TMEM185A: variants seen among roughly 807,000 people sequenced by gnomAD.
TMEM185A encodes transmembrane protein 185A.
A neutral mutation model predicts 25.0 loss-of-function variants in TMEM185A; 9 were observed. The observed-to-expected ratio is 0.36, with a 90% confidence interval of 0.22 to 0.63. TMEM185A has a LOEUF of 0.63. Ranked by LOEUF, TMEM185A falls within the 20% of genes least tolerant of loss-of-function variation. TMEM185A has a pLI of 0.68. For missense variants in TMEM185A, 103 were observed against 237.4 expected, an observed-to-expected ratio of 0.43 and a Z score of 3.72; for synonymous variants, 45 against 93.5, an observed-to-expected ratio of 0.48 and a Z score of 2.99.
At position 149,631,662 on chromosome X, in the gene TMEM185A, GGCGCCA is replaced by G; in HGVS notation, c.-88_-83del. On this transcript the variant is annotated 5_prime_UTR_variant, in exon 1 of 7. Transcript: ENST00000600449. ...AGCCTGCGCCTTACAGCGGGTTCAT[GGCGCCA>G]GCGCCAGCCGCGTCCACGCTGCTGC... 1 of 976,909 alleles carries G rather than the reference GGCGCCA, an allele frequency of 1.0e-6. No individual in the cohort carries two copies. The highest frequency in any genetic ancestry group is 1.4e-6 in the Non-Finnish European group (1 of 731,830). 80.5% of individuals were successfully genotyped at this position (976,909 alleles called of 1,213,427 possible). A position where few individuals can be genotyped will look rare whatever the true frequency, so the allele number is the denominator to read the frequency against.
In TMEM185A at chrX:149,619,902, T is replaced by C. The variant is rs12007667; in HGVS notation, c.39-8439A>G. Among the ~76,000 whole-genome samples, 897 of 112,135 alleles carry C rather than the reference T, an allele frequency of 8.0e-3. 8 individuals are homozygous for C. The highest frequency in any genetic ancestry group is 0.028 in the African/African-American group (855 of 30,849). On this transcript the variant is annotated intron_variant, in intron 1 of 6. Transcript: ENST00000600449. Reference sequence around the variant, plus strand: ...CACATTTTCTTGATCCAGTCTATCATTGTTGGACATTTGGGTTGGTTCCAA... The same window carrying C: ...CACATTTTCTTGATCCAGTCTATCACTGTTGGACATTTGGGTTGGTTCCAA...
At chrX:149,624,763 C>T (rs1188389680) in intron 1 of TMEM185A, among the ~76,000 whole-genome samples, 2 of 111,810 alleles carry the variant, frequency 1.8e-5, no homozygotes, top group Non-Finnish European at 3.8e-5. Flanking sequence ...AGCATTTAAC[C>T]AGTAGATACA....
At chrX:149,615,703 C>T (rs1184548215) in intron 1 of TMEM185A, among the ~76,000 whole-genome samples, 1 of 111,813 alleles carries the variant, frequency 8.9e-6, no homozygotes, top group Non-Finnish European at 1.9e-5. Flanking sequence ...TCATTTACTG[C>T]AACTTTCCTA....
intron 1 of TMEM185A, among the ~76,000 whole-genome samples, chrX:149,615,517 TTATC>T (rs1274936981): frequency 9.0e-6 from 1 of 111,230 alleles, no homozygotes; most frequent in Non-Finnish European, 1.9e-5. Context: ...AAACCTGTCA[TTATC>T]TATAGGCAAC....
intron 1 of TMEM185A, among the ~76,000 whole-genome samples, chrX:149,627,025 C>A (rs1399922615): frequency 1.8e-5 from 2 of 111,801 alleles, no homozygotes; most frequent in Non-Finnish European, 3.8e-5. Flanking sequence ...CAGAAGCCTT[C>A]CTCTTATCTC....
chrX:149,625,381 T>G (rs1036096809), intron 1 of TMEM185A, among the ~76,000 whole-genome samples: 1 of 112,488 alleles, frequency 8.9e-6, no homozygotes, highest in Non-Finnish European at 1.9e-5. Flanking sequence ...GAACAATGTG[T>G]GTGTAATTAT....
chrX:149,609,677 T>C (rs16992976), intron 2 of TMEM185A, among the ~76,000 whole-genome samples: 2,177 of 112,266 alleles, frequency 0.019, 45 homozygotes, highest in African/African-American at 0.056. Context: ...AGTTAGATCA[T>C]AGAGAAAATG....
intron 3 of TMEM185A, among the ~76,000 whole-genome samples, chrX:149,607,730 C>CAA (rs1156851278): frequency 8.9e-6 from 1 of 111,879 alleles, no homozygotes; most frequent in Non-Finnish European, 1.9e-5. Context: ...ATAAGCTAAC[C>CAA]AGACAGCAGG....
intron 3 of TMEM185A, among the ~76,000 whole-genome samples, chrX:149,606,289 C>T (rs1487222381): frequency 9.8e-5 from 11 of 112,469 alleles, no homozygotes; most frequent in African/African-American, 3.6e-4. Context: ...AAAGATACGA[C>T]GTCACTGAAA....
chrX:149,622,979 G>A (rs1339705960), intron 1 of TMEM185A, among the ~76,000 whole-genome samples: 1 of 112,515 alleles, frequency 8.9e-6, no homozygotes, highest in African/African-American at 3.2e-5. Flanking sequence ...TCAAATCAGA[G>A]TAACTGGGAT....
intron 1 of TMEM185A, among the ~76,000 whole-genome samples, chrX:149,626,573 A>T (rs2090163752): frequency 8.9e-6 from 1 of 112,099 alleles, no homozygotes; most frequent in Admixed American, 9.4e-5. Context: ...GTGGGACGAG[A>T]CTGAGAAAAG....
At chrX:149,629,089 G>C (rs187038459) in intron 1 of TMEM185A, among the ~76,000 whole-genome samples, 2 of 111,752 alleles carry the variant, frequency 1.8e-5, no homozygotes, top group Non-Finnish European at 3.8e-5. Flanking sequence ...TGGAGGAGTA[G>C]TAAATACTAC....
intron 1 of TMEM185A, among the ~76,000 whole-genome samples, chrX:149,626,915 G>A (rs1175316755): frequency 8.9e-6 from 1 of 112,219 alleles, no homozygotes; most frequent in Non-Finnish European, 1.9e-5. Context: ...AGCATACTTC[G>A]CCTCCAGCCA....
intron 1 of TMEM185A, among the ~76,000 whole-genome samples, chrX:149,627,250 G>C (rs1298658371): frequency 8.9e-6 from 1 of 112,496 alleles, no homozygotes; most frequent in Non-Finnish European, 1.9e-5. Context: ...CGAGAATGGA[G>C]AATGGCGATG....
intron 2 of TMEM185A, among the ~76,000 whole-genome samples, chrX:149,609,467 G>C (rs1557354190): frequency 8.9e-6 from 1 of 112,764 alleles, no homozygotes; most frequent in African/African-American, 3.2e-5. Flanking sequence ...AAGAACAAGA[G>C]TTAAAACTGT....
In TMEM185A at chrX:149,604,006, A is replaced by G. The variant is rs1557352869; in HGVS notation, c.488T>C (p.Ile163Thr). 8.3e-7 allele frequency: 1 copy of G among 1,209,216 alleles called. No homozygotes were observed. Among genetic ancestry groups the G allele is most frequent in the South Asian group, 1.8e-5 (1 of 56,456 alleles). ...FIFIALRLDK[I>T]IHWPWLVVCV... The stretch of plus-strand genomic sequence containing the variant: ...ACATACAAGCCAGGGCCAGTGGATG[A>G]TCTTGTCCAGTCTTAAGGCAATGAA... Residue 163 changes from isoleucine (I) to threonine (T), a missense_variant, in exon 4 of 7, where the codon ATC (isoleucine) becomes ACC (threonine). By Grantham distance (89) the Ile-to-Thr change is moderately conservative (BLOSUM62 -1). Around this residue, in one of 2 missense-constraint regions of TMEM185A, gnomAD observed 102 missense variants for 125.7 expected, o/e 0.81. Coordinates refer to ENST00000600449, the MANE Select transcript of TMEM185A (RefSeq NM_032508.4).
intron 1 of TMEM185A, 76 bp downstream of exon 1, chrX:149,631,467 C>A: frequency 9.2e-7 from 1 of 1,083,670 alleles, no homozygotes; most frequent in Non-Finnish European, 1.2e-6. Flanking sequence ...CCCGCCGTGC[C>A]TCCCCGGAGC....
chrX:149,626,798 A>C (rs1446617617), intron 1 of TMEM185A, among the ~76,000 whole-genome samples: 4 of 112,200 alleles, frequency 3.6e-5, no homozygotes, highest in African/African-American at 6.5e-5. Flanking sequence ...ATCATGAATA[A>C]GTTCAAGGAA....
chrX:149,607,241 T>C (rs2090057300), intron 3 of TMEM185A, among the ~76,000 whole-genome samples: 1 of 111,914 alleles, frequency 8.9e-6, no homozygotes, highest in South Asian at 3.7e-4. Flanking sequence ...CTACAGCTGC[T>C]ATGTTTACTT....
Sources: gnomAD v4.1 joint callset for allele counts (sites outside exome capture counted in the v4.1 genomes callset) on GRCh38, gnomAD v4.1.1 for gene constraint, gnomAD v4.1.1 regional missense constraint, MANE v1.5 for transcripts, NCBI Gene and HGNC (gene_info 2026-07-23, HGNC 2026-07-21) for gene names.